Variants in EPB41L2 observed in about 807,000 individuals in gnomAD.
EPB41L2 encodes band 4.1-like protein 2.
Under a neutral mutation model 113.0 loss-of-function variants are expected in EPB41L2, and 43 were observed. The ratio of observed to expected loss-of-function variants is 0.38; its 90% confidence interval spans 0.30 to 0.49. EPB41L2 has a LOEUF of 0.49. EPB41L2 is among the 20% of genes least tolerant of loss of function. The pLI is 0.95. For missense variants in EPB41L2, 1,147 were observed against 1,223.4 expected (o/e 0.94, Z 0.93); for synonymous variants, 442 against 436.7 (o/e 1.01, Z -0.15).
chr6:130,986,710 C>T (rs191696547), intron 1 of EPB41L2, among the ~76,000 whole-genome samples: 317 of 151,972 alleles, frequency 2.1e-3, no homozygotes, highest in Admixed American at 4.6e-3. Flanking sequence ...CTCAGCCTCC[C>T]GAGTAGCTGA....
At chr6:130,958,837 T>C (rs1274550017) in intron 1 of EPB41L2, among the ~76,000 whole-genome samples, 1 of 152,188 alleles carries the variant, frequency 6.6e-6, no homozygotes, top group African/African-American at 2.4e-5. Flanking sequence ...TGGGGGTTAT[T>C]TGAAAAGCAA....
chr6:130,945,268 A>G (rs892624508), intron 3 of EPB41L2, among the ~76,000 whole-genome samples: 3 of 152,188 alleles, frequency 2.0e-5, no homozygotes, highest in African/African-American at 7.2e-5. Flanking sequence ...ACAACAATAA[A>G]CAAACAAGCA....
At chr6:130,853,996 G>T (rs1039222658) in intron 19 of EPB41L2, among the ~76,000 whole-genome samples, 6 of 152,128 alleles carry the variant, frequency 3.9e-5, no homozygotes, top group South Asian at 2.1e-4. Flanking sequence ...TGCAGCCAGT[G>T]GGGGGTGGAG....
chr6:130,955,435 A>G (rs1817109702), intron 2 of EPB41L2, 118 bp from the exon 3 acceptor site: 1 of 965,260 alleles, frequency 1.0e-6, no homozygotes, highest in Non-Finnish European at 1.5e-6. Context: ...TGTAACTTTC[A>G]GATTTTTAAA....
At chr6:131,000,478 T>C in intron 1 of EPB41L2, 1 of 152,128 alleles carries the variant, frequency 6.6e-6, no homozygotes, top group Non-Finnish European at 1.5e-5. Flanking sequence ...AAAATCCAAA[T>C]CTGAACCATA....
At chr6:130,936,368 G>A (rs565915827) in intron 3 of EPB41L2, among the ~76,000 whole-genome samples, 1 of 152,120 alleles carries the variant, frequency 6.6e-6, no homozygotes, top group South Asian at 2.1e-4. Flanking sequence ...TCTCTCTTCT[G>A]ACCCTCCAAC....
Position 130,990,827 on chromosome 6 carries a change from A to ATTT in EPB41L2, c.-14-34331_-14-34329dup, listed in dbSNP as rs201343428. ...TATAACCTTATTAACTATACAGGTA[A>ATTT]TTTTTTTTTTTTTTTTTGAGGTGGA... On this transcript the variant is annotated intron_variant, in intron 1 of 19. Transcript: ENST00000337057. 5.3e-4 allele frequency among the ~76,000 whole-genome samples: 72 copies of ATTT among 136,854 alleles called. 1 individual carries two copies. Among genetic ancestry groups the ATTT allele is most frequent in the Middle Eastern group, 3.8e-3 (1 of 266 alleles). The allele number at this position is 136,854 out of a possible 152,430, so 89.8% of individuals were successfully genotyped here. A position where few individuals can be genotyped will look rare whatever the true frequency, so the allele number is the denominator to read the frequency against.
At chr6:131,026,564 T>A (rs778194557) in intron 1 of EPB41L2, among the ~76,000 whole-genome samples, 54 of 152,306 alleles carry the variant, frequency 3.5e-4, no homozygotes, top group Middle Eastern at 3.4e-3. Context: ...AGGCTCAAAC[T>A]CTGGGCTAAA....
intron 1 of EPB41L2, among the ~76,000 whole-genome samples, chr6:130,998,087 C>T (rs1007057819): frequency 9.2e-5 from 14 of 152,124 alleles, no homozygotes; most frequent in African/African-American, 2.4e-4. Flanking sequence ...TAATTTCTCA[C>T]GACCACTCTA....
At chr6:130,892,977 G>A (rs994443325) in intron 10 of EPB41L2, among the ~76,000 whole-genome samples, 1 of 151,944 alleles carries the variant, frequency 6.6e-6, no homozygotes, top group Admixed American at 6.6e-5. Context: ...TAAAGATGAA[G>A]GATCTAGATA....
intron 1 of EPB41L2, among the ~76,000 whole-genome samples, chr6:131,042,339 G>C (rs1247461645): frequency 6.6e-6 from 1 of 151,974 alleles, no homozygotes; most frequent in Admixed American, 6.6e-5. Context: ...GAAAGAAAAA[G>C]ATGTAAAACC....
Position 130,974,266 on chromosome 6 carries a change from G to A in EPB41L2, c.-14-17767C>T, listed in dbSNP as rs1777591811. Among the ~76,000 whole-genome samples the A allele has an allele frequency of 3.3e-5, 5 of 152,260 alleles. No individual in the cohort carries two copies. In the South Asian group the frequency reaches 1.0e-3, roughly 32 times the overall value. On this transcript the variant is annotated intron_variant, in intron 1 of 19. Transcript: ENST00000337057. ...TCTACCATGAAGGGCACAGTAGAAG[G>A]CAGTTGTCAGTAAGCAAAGAAGAGC...
At chr6:130,964,445 C>T (rs925908384) in intron 1 of EPB41L2, among the ~76,000 whole-genome samples, 2 of 151,144 alleles carry the variant, frequency 1.3e-5, no homozygotes, top group Non-Finnish European at 2.9e-5. Context: ...GCCATGTAAC[C>T]GCAGACAAGT....
chr6:130,912,415 C>T (rs964486981), intron 4 of EPB41L2, among the ~76,000 whole-genome samples: 2 of 152,178 alleles, frequency 1.3e-5, no homozygotes, highest in Non-Finnish European at 2.9e-5. Flanking sequence ...AAAGCAGAGC[C>T]GCATGGCCCC....
At chr6:130,993,976 G>A (rs980854354) in intron 1 of EPB41L2, among the ~76,000 whole-genome samples, 7 of 152,224 alleles carry the variant, frequency 4.6e-5, no homozygotes, top group East Asian at 3.9e-4. Flanking sequence ...CTCTGTTACC[G>A]ACTTTAAGCC....
chr6:130,847,396 CT>C (rs1388439762), intron 19 of EPB41L2, among the ~76,000 whole-genome samples: 1 of 152,178 alleles, frequency 6.6e-6, no homozygotes, highest in African/African-American at 2.4e-5. Context: ...ATGCCTTCCC[CT>C]CTCACACACA....
intron 1 of EPB41L2, among the ~76,000 whole-genome samples, chr6:130,965,644 CA>C (rs35081059): frequency 0.42 from 53,423 of 127,502 alleles, 10,839 homozygotes; most frequent in East Asian, 0.9. Flanking sequence ...AAACAGTTAT[CA>C]AAAAAAAAAA....
At chr6:131,010,440 T>A (rs1319619808) in intron 1 of EPB41L2, among the ~76,000 whole-genome samples, 1 of 151,028 alleles carries the variant, frequency 6.6e-6, no homozygotes, top group African/African-American at 2.4e-5. Flanking sequence ...TGAAACGCAG[T>A]TTCACACTGT....
At chr6:130,973,362 TGA>T (rs1363412000) in intron 1 of EPB41L2, among the ~76,000 whole-genome samples, 1 of 151,982 alleles carries the variant, frequency 6.6e-6, no homozygotes, top group Non-Finnish European at 1.5e-5. Flanking sequence ...GGCAATTTGG[TGA>T]GTTTTTTAGT....
Sources: gnomAD v4.1 joint callset for allele counts (sites outside exome capture counted in the v4.1 genomes callset) on GRCh38, gnomAD v4.1.1 for gene constraint, MANE v1.5 for transcripts, NCBI Gene and HGNC (gene_info 2026-07-23, HGNC 2026-07-21) for gene names.